The following ZNF780A variants were observed in gnomAD, a reference collection of about 807,000 sequenced individuals.
The protein encoded by ZNF780A is zinc finger protein 780A.
ZNF780A carries 40 observed loss-of-function variants against 56.7 expected under a neutral mutation model. The observed-to-expected ratio is 0.71, with a 90% confidence interval of 0.55 to 0.92. The LOEUF is 0.92. Ranked by LOEUF, ZNF780A falls within the 40% of genes least tolerant of loss-of-function variation. The pLI is 0.00. For synonymous variants in ZNF780A, 231 were observed against 248.3 expected, an observed-to-expected ratio of 0.93 and a Z score of 0.66; for missense variants, 672 against 783.3, an observed-to-expected ratio of 0.86 and a Z score of 1.70.
intron 5 of ZNF780A, among the ~76,000 whole-genome samples, chr19:40,081,152 C>A (rs1974449568): frequency 6.8e-6 from 1 of 147,664 alleles, no homozygotes; most frequent in Non-Finnish European, 1.5e-5. Context: ...AGGGAATAGA[C>A]AAAATTAAAT....
At position 40,075,928 on chromosome 19, in the gene ZNF780A, T is replaced by A; in HGVS notation, c.514A>T (p.Lys172Ter). ...HKPYECKECGKYFSRSANLIQ... is the reference protein window; with the variant it reads ...HKPYECKECG Reference sequence around the variant, plus strand: ...AGATTTGCACTACGACTAAAGTATTTCCCACATTCCTTACATTCATACGGT... The same window carrying A: ...AGATTTGCACTACGACTAAAGTATTACCCACATTCCTTACATTCATACGGT... The change falls in exon 6 of 6, where the codon AAA (lysine) becomes TAA (stop). Residue 172 changes from lysine to a stop codon, truncating the protein, a stop_gained. Coordinates refer to ENST00000683561, the MANE Select transcript of ZNF780A (RefSeq NM_001142578.2). LOFTEE classifies it high-confidence loss of function. 1 of 1,614,134 alleles carries A rather than the reference T, an allele frequency of 6.2e-7. No individual in the cohort carries two copies.
chr19:40,082,037 G>C (rs1201794976), intron 4 of ZNF780A, 123 bp from the exon 5 acceptor site: 6 of 596,730 alleles, frequency 1.0e-5, no homozygotes, highest in Non-Finnish European at 1.7e-5. Flanking sequence ...AGAGACTTCA[G>C]ATAAGAGTGA....
chr19:40,074,522 T>A lies in ZNF780A; in HGVS notation c.1920A>T (p.Ala640=). The change falls in exon 6 of 6, where the codon GCA becomes GCT. Residue 640 remains alanine, a synonymous_variant. Transcript: ENST00000683561. ...RHKNIHTGEK[A]S is the part of the protein sequence containing the mutation. ...CTTTCCACATTCCTTACATTCAAGA[T>A]GCCTTCTCACCTGTGTGAATGTTCT... 1 of 1,613,650 alleles carries A rather than the reference T, an allele frequency of 6.2e-7. No individual in the cohort carries two copies. The highest frequency in any genetic ancestry group is 8.5e-7 in the Non-Finnish European group (1 of 1,179,794).
chr19:40,084,850 C>CAAAT lies in ZNF780A; in HGVS notation c.-45-56_-45-53dup, dbSNP rs907161208. ...CACAATTAAAGCTGTGTCTCAAAAG[C>CAAAT]AAATAACTATTTTATCCTCCGTTCC... On this transcript the variant is annotated intron_variant, in intron 2 of 5. Transcript: ENST00000683561. The CAAAT allele has an allele frequency of 3.6e-5, 55 of 1,537,730 alleles. No individual in the cohort carries two copies. In the African/African-American group the frequency reaches 5.5e-4, roughly 15 times the overall value.
intron 4 of ZNF780A, among the ~76,000 whole-genome samples, chr19:40,082,501 T>C (rs1390829707): frequency 6.6e-6 from 1 of 152,156 alleles, no homozygotes; most frequent in East Asian, 1.9e-4. Flanking sequence ...CAATGGAATG[T>C]TTATTGAAGG....
intron 2 of ZNF780A, chr19:40,089,141 GT>G: frequency 1.1e-6 from 1 of 924,382 alleles, no homozygotes; most frequent in Non-Finnish European, 1.5e-6. Flanking sequence ...ACAATATTCT[GT>G]AGTCTTGAAA....
At chr19:40,080,187 G>A (rs375560591) in intron 5 of ZNF780A, among the ~76,000 whole-genome samples, 1 of 152,086 alleles carries the variant, frequency 6.6e-6, no homozygotes, top group African/African-American at 2.4e-5. Flanking sequence ...AAAACTCCAG[G>A]ACTGATGGCT....
chr19:40,072,919 A>G, downstream of ZNF780A: 1 of 1,550,936 alleles, frequency 6.4e-7, no homozygotes, highest in Non-Finnish European at 8.7e-7. Flanking sequence ...CAGATTCTGC[A>G]ATGGATTCTC....
In ZNF780A at chr19:40,083,562, G is replaced by A. The variant is rs1034255860; in HGVS notation, c.10-325C>T. ...ACCTGTAGTCCCAGCTACTCGGGAG[G>A]CTGAGGTAGGAGTATTGCTTGAGCC... On this transcript the variant is annotated intron_variant, in intron 3 of 5. Coordinates refer to ENST00000683561, the MANE Select transcript of ZNF780A (RefSeq NM_001142578.2). Among the ~76,000 whole-genome samples, 3 of 151,854 alleles carry A rather than the reference G, an allele frequency of 2.0e-5. No homozygotes were observed. In the East Asian group the frequency reaches 5.8e-4, roughly 29 times the overall value.
In ZNF780A at chr19:40,087,694, T is replaced by C. The variant is rs566905245; in HGVS notation, c.-46+2472A>G. ...TGTATAGAACCACAAAAGACCCAAA[T>C]AGCCAAAGCAATCTTGAGCAAAAGG... On this transcript the variant is annotated intron_variant, in intron 2 of 5. Coordinates refer to ENST00000683561, the MANE Select transcript of ZNF780A (RefSeq NM_001142578.2). Among the ~76,000 whole-genome samples the C allele has an allele frequency of 1.1e-3, 160 of 152,168 alleles. 1 individual carries two copies. Among genetic ancestry groups the C allele is most frequent in the African/African-American group, 3.6e-3 (151 of 41,520 alleles).
At chr19:40,083,826 A>T (rs796219315) in intron 3 of ZNF780A, among the ~76,000 whole-genome samples, 7 of 152,204 alleles carry the variant, frequency 4.6e-5, no homozygotes, top group African/African-American at 1.7e-4. Flanking sequence ...TATTAGATTT[A>T]TTCATTTTTT....
Position 40,075,190 on chromosome 19 carries a change from C to G in ZNF780A, c.1252G>C (p.Glu418Gln). 1 of 1,613,372 alleles carries G rather than the reference C, an allele frequency of 6.2e-7. No individual in the cohort carries two copies. Among genetic ancestry groups the G allele is most frequent in the Non-Finnish European group, 8.5e-7 (1 of 1,179,862 alleles). Residue 418 changes from glutamate to glutamine, a missense_variant, in exon 6 of 6, where the codon GAA becomes CAA. Transcript: ENST00000683561. ...QSIHAGIKPY[E>Q]CKECGKGFNR... The stretch of plus-strand genomic sequence containing the variant: ...AAGCCTTTCCCACACTCCTTACATT[C>G]ATATGGTTTTATACCAGCATGAATA...
Position 40,075,386 on chromosome 19 carries a change from C to T in ZNF780A, c.1056G>A (p.Gln352=), listed in dbSNP as rs767745615. 2 of 1,614,074 alleles carry T rather than the reference C, an allele frequency of 1.2e-6. No homozygotes were observed. Among genetic ancestry groups the T allele is most frequent in the Non-Finnish European group, 1.7e-6 (2 of 1,180,012 alleles). Residue 352 remains glutamine (Q), a synonymous_variant, in exon 6 of 6, where the codon CAG becomes CAA. Transcript: ENST00000683561. ...AGGGTTTCTCACCAGTATGAATCTT[C>T]TGATGTCGAACAAGCTTTGTCAGAA... ...FTLLTKLVRH[Q]KIHTGEKPFE... is the part of the protein sequence containing the mutation.
At chr19:40,082,644 C>T (rs1974542495) in intron 4 of ZNF780A, among the ~76,000 whole-genome samples, 1 of 152,064 alleles carries the variant, frequency 6.6e-6, no homozygotes, top group Non-Finnish European at 1.5e-5. Context: ...GGCTGGAGTG[C>T]AGTGATGGGT....
At chr19:40,088,267 G>T (rs1175441199) in intron 2 of ZNF780A, among the ~76,000 whole-genome samples, 4 of 151,950 alleles carry the variant, frequency 2.6e-5, no homozygotes, top group Non-Finnish European at 5.9e-5. Context: ...CCATATATAT[G>T]ATAAGAGATT....
chr19:40,075,099 C>G lies in ZNF780A; in HGVS notation c.1343G>C (p.Arg448Thr). 1 of 1,613,210 alleles carries G rather than the reference C, an allele frequency of 6.2e-7. No homozygotes were observed. The highest frequency in any genetic ancestry group is 8.5e-7 in the Non-Finnish European group (1 of 1,179,726). ...IHSNEKPFVC[R>T]ECEMAFRYHC... ...ATATCTAAAGGCCATCTCACATTCC[C>G]TACATACAAAAGGTTTCTCATTGGA... The change falls in exon 6 of 6, where the codon AGG becomes ACG. Residue 448 changes from arginine to threonine, a missense_variant. Transcript: ENST00000683561.
chr19:40,084,761 G>T lies in ZNF780A; in HGVS notation c.-8C>A, dbSNP rs900268573. On this transcript the variant is annotated 5_prime_UTR_variant, in exon 3 of 6. Coordinates refer to ENST00000683561, the MANE Select transcript of ZNF780A (RefSeq NM_001142578.2). Reference sequence around the variant, plus strand: ...CAAACTTACATGGACCATGTTGCTAGAATTACAAAACTGGTCAATCTTCCT... The same window carrying T: ...CAAACTTACATGGACCATGTTGCTATAATTACAAAACTGGTCAATCTTCCT... The T allele has an allele frequency of 6.4e-7, 1 of 1,552,912 alleles. No homozygotes were observed. Among genetic ancestry groups the T allele is most frequent in the African/African-American group, 1.4e-5 (1 of 73,232 alleles).
chr19:40,085,803 C>A (rs1190426787), intron 2 of ZNF780A, among the ~76,000 whole-genome samples: 1 of 152,040 alleles, frequency 6.6e-6, no homozygotes, highest in Non-Finnish European at 1.5e-5. Context: ...TCGCTTGAAC[C>A]CAGGAGGCGG....
downstream of ZNF780A, chr19:40,072,614 A>G (rs1004748684): frequency 9.5e-5 from 46 of 482,282 alleles, no homozygotes; most frequent in African/African-American, 8.9e-4. Context: ...CTCCCTTTGT[A>G]TGGGAGCTCT....
Sources: gnomAD v4.1 joint callset for allele counts (sites outside exome capture counted in the v4.1 genomes callset) on GRCh38, gnomAD v4.1.1 for gene constraint, MANE v1.5 for transcripts, NCBI Gene and HGNC (gene_info 2026-07-23, HGNC 2026-07-21) for gene names.